Variants in NFX1 observed in about 807,000 individuals in gnomAD.
NFX1 encodes nuclear transcription factor, X-box binding 1.
Under a neutral mutation model 137.2 loss-of-function variants are expected in NFX1, and 69 were observed. The observed-to-expected ratio is 0.50, with a 90% CI of 0.41 to 0.61. NFX1 has a LOEUF of 0.61. NFX1 is among the 20% of genes least tolerant of loss of function. The pLI is 0.00. For synonymous variants in NFX1, 495 were observed against 474.1 expected (o/e 1.04, Z -0.57); for missense variants, 1,167 against 1,391.0 (o/e 0.84, Z 2.56).
chr9:33,318,515 C>A (rs1337300955), intron 7 of NFX1, among the ~76,000 whole-genome samples: 2 of 152,120 alleles, frequency 1.3e-5, no homozygotes, highest in East Asian at 3.8e-4. Flanking sequence ...TTTTTAATTT[C>A]TTCCTATGGT....
At chr9:33,362,007 G>T (rs750628024) in intron 19 of NFX1, among the ~76,000 whole-genome samples, 1 of 151,636 alleles carries the variant, frequency 6.6e-6, no homozygotes, top group Non-Finnish European at 1.5e-5. Flanking sequence ...TGTAGTGCCA[G>T]CTACTGGAGA....
At chr9:33,348,686 G>T in intron 15 of NFX1, 1 of 926,720 alleles carries the variant, frequency 1.1e-6, no homozygotes, top group Non-Finnish European at 1.3e-6. Context: ...TGTAAAAAAT[G>T]TGATATCTAT....
chr9:33,348,819 C>A, intron 15 of NFX1: 17 of 976,980 alleles, frequency 1.7e-5, no homozygotes, highest in Non-Finnish European at 2.1e-5. Flanking sequence ...AGACGTGGTA[C>A]ACATTTTTCC....
chr9:33,310,138 A>G (rs1821911880), intron 5 of NFX1, among the ~76,000 whole-genome samples: 1 of 152,230 alleles, frequency 6.6e-6, no homozygotes, highest in Non-Finnish European at 1.5e-5. Flanking sequence ...TTTATTTAAG[A>G]ATTATCAGAG....
At chr9:33,359,468 A>G (rs1415431670) in intron 19 of NFX1, among the ~76,000 whole-genome samples, 2 of 152,132 alleles carry the variant, frequency 1.3e-5, no homozygotes, top group Non-Finnish European at 2.9e-5. Context: ...GCATGGTGGC[A>G]GACGCCTGTA....
chr9:33,325,504 A>C (rs1257225916), intron 9 of NFX1, among the ~76,000 whole-genome samples: 1 of 152,112 alleles, frequency 6.6e-6, no homozygotes, highest in African/African-American at 2.4e-5. Context: ...TCTACTAAAA[A>C]ATACAAAAAA....
At chr9:33,340,680 T>G (rs1277149507) in intron 12 of NFX1, among the ~76,000 whole-genome samples, 1 of 152,256 alleles carries the variant, frequency 6.6e-6, no homozygotes, top group Admixed American at 6.5e-5. Context: ...CTTTTAAAAC[T>G]GAGTGCCTTT....
At chr9:33,346,817 G>A (rs373551125) in intron 14 of NFX1, among the ~76,000 whole-genome samples, 33 of 152,202 alleles carry the variant, frequency 2.2e-4, no homozygotes, top group African/African-American at 7.7e-4. Context: ...GTTTTGGCAT[G>A]TCTCTTCCTC....
At chr9:33,309,435 T>C (rs1456051306) in intron 5 of NFX1, among the ~76,000 whole-genome samples, 6 of 152,132 alleles carry the variant, frequency 3.9e-5, no homozygotes, top group African/African-American at 1.4e-4. Context: ...ATTAAAACTG[T>C]TGCAGATCAA....
At chr9:33,290,662 G>T in intron 1 of NFX1, 65 bp downstream of exon 1, 3 of 1,515,228 alleles carry the variant, frequency 2.0e-6, no homozygotes, top group Non-Finnish European at 2.7e-6. Context: ...CAGTGACGAA[G>T]TTCTAGGGCC....
rs115754671 is a variant in NFX1 at position 33,329,629 on chromosome 9, A to T, written c.2004+951A>T. On this transcript the variant is annotated intron_variant, in intron 10 of 23. Transcript: ENST00000379540. ...TTTCTACTTTCTGGTGAAAGCCTGG[A>T]TGGTTTTTATTTTTCTTTTTTTTTT... 1.1e-3 allele frequency among the ~76,000 whole-genome samples: 148 copies of T among 140,606 alleles called. 3 individuals carry two copies. The highest frequency in any genetic ancestry group is 3.7e-3 in the African/African-American group (141 of 37,960). The allele number at this position is 140,606 out of a possible 152,430, so 92.2% of individuals were successfully genotyped here. A position where few individuals can be genotyped will look rare whatever the true frequency, so the allele number is the denominator to read the frequency against.
chr9:33,320,679 A>G (rs763583671), intron 9 of NFX1, among the ~76,000 whole-genome samples: 1 of 152,224 alleles, frequency 6.6e-6, no homozygotes, highest in Non-Finnish European at 1.5e-5. Context: ...CAGTTTTGCA[A>G]TGACTTGGCA....
At chr9:33,337,651 T>C (rs830578) in intron 11 of NFX1, among the ~76,000 whole-genome samples, 123,015 of 152,186 alleles carry the variant, frequency 0.81, 49,975 homozygotes, top group Non-Finnish European at 0.84. Flanking sequence ...CTCATTTGAG[T>C]GCAGGAATTC....
At chr9:33,304,993 TG>T (rs1300755750) in intron 4 of NFX1, among the ~76,000 whole-genome samples, 2 of 152,146 alleles carry the variant, frequency 1.3e-5, no homozygotes, top group Admixed American at 1.3e-4. Context: ...GATCTGAAAG[TG>T]GTAAAATGAT....
chr9:33,293,280 T>C (rs1262319324), intron 1 of NFX1, among the ~76,000 whole-genome samples: 1 of 152,230 alleles, frequency 6.6e-6, no homozygotes, highest in Non-Finnish European at 1.5e-5. Flanking sequence ...GTGCTTAGGA[T>C]AGTGCCTGGC....
chr9:33,333,723 G>A (rs1464954172), intron 11 of NFX1, among the ~76,000 whole-genome samples: 1 of 152,178 alleles, frequency 6.6e-6, no homozygotes, highest in African/African-American at 2.4e-5. Flanking sequence ...ACAAAATTAA[G>A]GCTGTCTTTG....
At chr9:33,358,309 A>G (rs1272312429) in intron 19 of NFX1, among the ~76,000 whole-genome samples, 1 of 152,072 alleles carries the variant, frequency 6.6e-6, no homozygotes, top group Non-Finnish European at 1.5e-5. Context: ...TATTTTTAGT[A>G]GAGATGGTGT....
chr9:33,304,463 A>G (rs2118251739), intron 4 of NFX1, among the ~76,000 whole-genome samples: 1 of 152,062 alleles, frequency 6.6e-6, no homozygotes, highest in East Asian at 1.9e-4. Flanking sequence ...ATTTGCTCAT[A>G]TTTCTCCTTT....
chr9:33,358,996 G>A (rs1252930252), intron 19 of NFX1, among the ~76,000 whole-genome samples: 2 of 151,774 alleles, frequency 1.3e-5, no homozygotes, highest in Non-Finnish European at 2.9e-5. Flanking sequence ...ACCACACCCG[G>A]CCTAAATTGG....
Sources: gnomAD v4.1 joint callset for allele counts (sites outside exome capture counted in the v4.1 genomes callset) on GRCh38, gnomAD v4.1.1 for gene constraint, MANE v1.5 for transcripts, NCBI Gene and HGNC (gene_info 2026-07-23, HGNC 2026-07-21) for gene names.